Variants in NTN1 observed in about 807,000 individuals in gnomAD.
The protein encoded by NTN1 is netrin 1.
In NTN1, 11 loss-of-function variants were observed where a neutral mutation model predicts 54.2. The ratio of observed to expected loss-of-function variants is 0.20; its 90% CI spans 0.13 to 0.34. The LOEUF (loss-of-function observed/expected upper bound fraction) is 0.34. Ranked by LOEUF, NTN1 falls within the 10% of genes least tolerant of loss-of-function variation. The probability of loss-of-function intolerance (pLI) is 1.00; values close to 1 mark genes in which losing one functional copy is unlikely to be tolerated. For missense variants in NTN1, 740 were observed against 893.1 expected (o/e 0.83, Z 2.18); for synonymous variants, 371 against 382.0 (o/e 0.97, Z 0.33).
chr17:9,013,002 A>C, the NTN1 span, among the ~76,000 whole-genome samples: 2 of 152,044 alleles, frequency 1.3e-5, no homozygotes, highest in African/African-American at 4.8e-5. Context: ...TATACATTCT[A>C]GGAGCCATTT....
At chr17:9,144,015 C>T (rs749206887) in intron 2 of NTN1, among the ~76,000 whole-genome samples, 1 of 152,048 alleles carries the variant, frequency 6.6e-6, no homozygotes, top group Non-Finnish European at 1.5e-5. Context: ...CCTGCCTCAG[C>T]CTCCTGAGTA....
chr17:9,179,198 C>G (rs1256534061), intron 3 of NTN1: 6 of 152,274 alleles, frequency 3.9e-5, no homozygotes, highest in Non-Finnish European at 8.8e-5. Flanking sequence ...GTGACCCTCT[C>G]TAGTGCTACA....
chr17:9,209,901 A>G (rs993199442), intron 5 of NTN1, among the ~76,000 whole-genome samples: 2 of 151,942 alleles, frequency 1.3e-5, no homozygotes, highest in Non-Finnish European at 2.9e-5. Context: ...CGTTCTGGTA[A>G]CCTTGGGCAT....
chr17:9,075,737 C>A (rs1273975660), intron 2 of NTN1, among the ~76,000 whole-genome samples: 1 of 152,178 alleles, frequency 6.6e-6, no homozygotes, highest in East Asian at 1.9e-4. Context: ...GTGTGTGGCT[C>A]TGCAGCCCCC....
intron 2 of NTN1, among the ~76,000 whole-genome samples, chr17:9,155,539 C>G (rs1339838978): frequency 6.6e-6 from 1 of 152,038 alleles, no homozygotes; most frequent in African/African-American, 2.4e-5. Flanking sequence ...CGGGGTTTCT[C>G]CATGTTGGTC....
At chr17:9,210,497 C>A (rs536577991) in intron 5 of NTN1, among the ~76,000 whole-genome samples, 1 of 152,204 alleles carries the variant, frequency 6.6e-6, no homozygotes, top group East Asian at 1.9e-4. Flanking sequence ...GAGGGGGTAG[C>A]ACTTCTCCAC....
At chr17:9,095,836 G>C (rs1340898452) in intron 2 of NTN1, among the ~76,000 whole-genome samples, 2 of 151,698 alleles carry the variant, frequency 1.3e-5, no homozygotes, top group East Asian at 3.9e-4. Flanking sequence ...GTCTCACTCT[G>C]TCACCCAGGC....
chr17:9,104,332 T>C (rs553200795), intron 2 of NTN1, among the ~76,000 whole-genome samples: 3 of 152,182 alleles, frequency 2.0e-5, no homozygotes, highest in Non-Finnish European at 2.9e-5. Context: ...TAGAACTGTA[T>C]ACTTAAAAAT....
At chr17:9,182,892 G>GC in intron 4 of NTN1, 24 bp from the exon 5 acceptor site, 1 of 1,613,152 alleles carries the variant, frequency 6.2e-7, no homozygotes, top group Non-Finnish European at 8.5e-7. Context: ...TCCTCCCCTC[G>GC]CCCCCGTCTT....
At chr17:9,210,406 AGGCACATGTGCGTG>A (rs1339783204) in intron 5 of NTN1, among the ~76,000 whole-genome samples, 18 of 149,194 alleles carry the variant, frequency 1.2e-4, no homozygotes, top group African/African-American at 4.5e-4. Context: ...TCACACACAC[AGGCACATGTGCGTG>A]CACACACACA....
chr17:9,082,364 A>T (rs1261599522), intron 2 of NTN1, among the ~76,000 whole-genome samples: 2 of 152,202 alleles, frequency 1.3e-5, no homozygotes, highest in African/African-American at 4.8e-5. Context: ...CCTGGCCAGC[A>T]TCTTGTATTT....
chr17:9,188,469 G>T (rs1904350157), intron 5 of NTN1, among the ~76,000 whole-genome samples: 1 of 92,454 alleles, frequency 1.1e-5, no homozygotes. Context: ...TATATATTTT[G>T]CCACAATTAA....
Position 9,194,062 on chromosome 17 carries a change from C to CCCATCTCTA in NTN1, c.1411+11095_1411+11103dup, listed in dbSNP as rs958621364. Among the ~76,000 whole-genome samples the CCCATCTCTA allele has an allele frequency of 9.9e-5, 15 of 151,784 alleles. 1 individual carries two copies. The East Asian group carries it at 2.9e-3, about 29-fold the overall frequency. ...ACCAGCCTGGCCAACATAGTGAAAC[C>CCCATCTCTA]CCATCTCTACTAAAAATACAAAAAT... is the stretch of plus-strand genomic sequence containing the variant. On this transcript the variant is annotated intron_variant, in intron 5 of 6. Transcript: ENST00000173229.
chr17:9,228,820 C>CTCTG (rs1555579154), intron 6 of NTN1, among the ~76,000 whole-genome samples: 3 of 141,310 alleles, frequency 2.1e-5, no homozygotes, highest in Admixed American at 1.4e-4. Flanking sequence ...ATCTGTTCAG[C>CTCTG]TGTGTGTGTG....
At chr17:9,201,362 G>A (rs879399714) in intron 5 of NTN1, among the ~76,000 whole-genome samples, 2 of 152,204 alleles carry the variant, frequency 1.3e-5, no homozygotes, top group Non-Finnish European at 2.9e-5. Flanking sequence ...CAAGGTTTTG[G>A]TGAGCATATT....
At chr17:9,090,165 C>CTT (rs963431868) in intron 2 of NTN1, among the ~76,000 whole-genome samples, 1 of 143,794 alleles carries the variant, frequency 7.0e-6, no homozygotes, top group Non-Finnish European at 1.5e-5. Flanking sequence ...CCAAACTCAT[C>CTT]TTTTTTTTTT....
rs779997082 is a variant in NTN1, at chr17:9,162,863, T to C, written c.1069T>C (p.Tyr357His). Residue 357 changes from tyrosine (Y) to histidine (H), a missense_variant, in exon 3 of 7, where the codon TAC becomes CAC. Transcript: ENST00000173229. ...GCGCTGCCGCTTCAACATGGAGCTC[T>C]ACAAGCTTTCGGGGCGCAAGAGCGG... ...ARRCRFNMELYKLSGRKSGGV... is the reference protein window; with the variant it reads ...ARRCRFNMELHKLSGRKSGGV... The C allele has an allele frequency of 6.8e-6, 11 of 1,614,032 alleles. No individual in the cohort carries two copies. The highest frequency in any genetic ancestry group is 2.7e-5 in the African/African-American group (2 of 74,944).
At chr17:9,148,252 CA>C (rs2092319060) in intron 2 of NTN1, among the ~76,000 whole-genome samples, 1 of 152,140 alleles carries the variant, frequency 6.6e-6, no homozygotes, top group Admixed American at 6.6e-5. Context: ...TCTTGTTCAG[CA>C]GATTGAGAGA....
upstream of NTN1, among the ~76,000 whole-genome samples, chr17:9,018,409 A>G (rs2091836125): frequency 6.6e-6 from 1 of 152,150 alleles, no homozygotes; most frequent in Non-Finnish European, 1.5e-5. Flanking sequence ...AGGCGGGCAG[A>G]TCACTTGAGG....
Sources: gnomAD v4.1 joint callset for allele counts (sites outside exome capture counted in the v4.1 genomes callset) on GRCh38, gnomAD v4.1.1 for gene constraint, MANE v1.5 for transcripts, NCBI Gene and HGNC (gene_info 2026-07-23, HGNC 2026-07-21) for gene names.